IL1RAPL2: variants seen among roughly 807,000 people sequenced by gnomAD.
The protein encoded by IL1RAPL2 is interleukin 1 receptor accessory protein like 2.
Under a neutral mutation model 44.1 loss-of-function variants are expected in IL1RAPL2, and 3 were observed. The observed-to-expected ratio is 0.07, with a 90% confidence interval of 0.03 to 0.18. IL1RAPL2 has a LOEUF of 0.18. Among genes scored for constraint, IL1RAPL2 ranks in the 10% least tolerant of loss-of-function variants. The probability of loss-of-function intolerance (pLI) is 1.00; values close to 1 mark genes in which losing one functional copy is unlikely to be tolerated. For missense variants in IL1RAPL2, 391 were observed against 496.4 expected (o/e 0.79, Z 2.02); for synonymous variants, 181 against 178.8 (o/e 1.01, Z -0.10).
At chrX:105,240,911 G>T (rs1178272362) in intron 4 of IL1RAPL2, among the ~76,000 whole-genome samples, 1 of 111,288 alleles carries the variant, frequency 9.0e-6, no homozygotes, top group Non-Finnish European at 1.9e-5. Context: ...GATCTTTTGA[G>T]GTCAGGAGTT....
intron 2 of IL1RAPL2, among the ~76,000 whole-genome samples, chrX:104,932,308 A>G (rs1261819231): frequency 9.0e-6 from 1 of 110,848 alleles, no homozygotes; most frequent in South Asian, 3.8e-4. Flanking sequence ...CACTATGAGT[A>G]TATATTAAAT....
intron 6 of IL1RAPL2, among the ~76,000 whole-genome samples, chrX:105,529,981 C>T (rs2036621432): frequency 8.9e-6 from 1 of 112,103 alleles, no homozygotes; most frequent in South Asian, 3.6e-4. Flanking sequence ...CATGTTTTAG[C>T]TATGGTAAAT....
rs1400635596 is a variant in IL1RAPL2 at position 104,705,182 on chromosome X, G to C, written c.82+46187G>C. ...ACTGGCACAACAACCATTTGATACA[G>C]GTACCATTTGTTATCATTTTACACA... is the stretch of plus-strand genomic sequence containing the variant. On this transcript the variant is annotated intron_variant, in intron 2 of 10. Coordinates refer to ENST00000372582, the MANE Select transcript of IL1RAPL2 (RefSeq NM_017416.2). Among the ~76,000 whole-genome samples, 8 of 111,572 alleles carry C rather than the reference G, an allele frequency of 7.2e-5. No homozygotes were observed. In the Admixed American group the frequency reaches 7.6e-4, roughly 11 times the overall value.
intron 4 of IL1RAPL2, among the ~76,000 whole-genome samples, chrX:105,238,609 A>G (rs2034142393): frequency 9.0e-6 from 1 of 111,133 alleles, no homozygotes; most frequent in Admixed American, 9.6e-5. Context: ...GTGTTTCCTT[A>G]AAGTCTTAGT....
intron 2 of IL1RAPL2, among the ~76,000 whole-genome samples, chrX:105,168,414 G>GA (rs1202227200): frequency 1.1e-5 from 1 of 89,358 alleles, no homozygotes; most frequent in African/African-American, 4.7e-5. Flanking sequence ...AACCATAGGA[G>GA]GTGTGTGTGT....
At chrX:105,382,139 A>G (rs2035436666) in intron 5 of IL1RAPL2, among the ~76,000 whole-genome samples, 2 of 109,362 alleles carry the variant, frequency 1.8e-5, no homozygotes, top group Admixed American at 1.9e-4. Flanking sequence ...TAAACTAAAG[A>G]GCTTCTGCAC....
chrX:105,360,857 T>C (rs935673609), intron 5 of IL1RAPL2, among the ~76,000 whole-genome samples: 1 of 111,536 alleles, frequency 9.0e-6, no homozygotes, highest in Non-Finnish European at 1.9e-5. Flanking sequence ...AGAGCAGATT[T>C]GGAATGTGAT....
chrX:105,354,136 G>A (rs145243533), intron 5 of IL1RAPL2, among the ~76,000 whole-genome samples: 1,942 of 110,892 alleles, frequency 0.018, 44 homozygotes, highest in African/African-American at 0.061. Flanking sequence ...ATTTGACCCA[G>A]CCATCCCATT....
chrX:105,032,571 T>C (rs770130995), intron 2 of IL1RAPL2, among the ~76,000 whole-genome samples: 28 of 112,316 alleles, frequency 2.5e-4, no homozygotes, highest in Non-Finnish European at 4.5e-4. Context: ...TCTAGTTTAA[T>C]TGCACTGTGG....
chrX:104,972,638 C>A (rs993016981), intron 2 of IL1RAPL2, among the ~76,000 whole-genome samples: 1 of 111,539 alleles, frequency 9.0e-6, no homozygotes, highest in Non-Finnish European at 1.9e-5. Context: ...GAGTTTTGTT[C>A]CTACCCACAC....
At position 104,598,256 on chromosome X, in the gene IL1RAPL2, T is replaced by C. The variant is rs1389932553; in HGVS notation, c.-20+31205T>C. On this transcript the variant is annotated intron_variant, in intron 1 of 10. Coordinates refer to ENST00000372582, the MANE Select transcript of IL1RAPL2 (RefSeq NM_017416.2). ...CATTTTTTGTTGTTCTTCACTTGGC[T>C]TTCTATCATGACTGCTGGAAGGCAG... Among the ~76,000 whole-genome samples, 3 of 112,044 alleles carry C rather than the reference T, an allele frequency of 2.7e-5. No homozygotes were observed. In the East Asian group the frequency reaches 8.4e-4, roughly 31 times the overall value.
chrX:105,648,885 A>C (rs936678437), intron 6 of IL1RAPL2, among the ~76,000 whole-genome samples: 6 of 111,420 alleles, frequency 5.4e-5, no homozygotes, highest in African/African-American at 2.0e-4. Flanking sequence ...CTCAATCCCA[A>C]GTGTCAGTGT....
At chrX:105,549,027 C>T (rs1236543619) in intron 6 of IL1RAPL2, among the ~76,000 whole-genome samples, 2 of 111,398 alleles carry the variant, frequency 1.8e-5, no homozygotes, top group African/African-American at 6.5e-5. Context: ...TTTTTCATGC[C>T]GTTATGTAAA....
At chrX:104,756,883 C>T (rs1276683075) in intron 2 of IL1RAPL2, among the ~76,000 whole-genome samples, 6 of 109,414 alleles carry the variant, frequency 5.5e-5, no homozygotes, top group Non-Finnish European at 9.5e-5. Flanking sequence ...GGCCCTGAGA[C>T]GAGAGCATGC....
At chrX:104,685,940 T>TA (rs1930980197) in intron 2 of IL1RAPL2, among the ~76,000 whole-genome samples, 1 of 106,991 alleles carries the variant, frequency 9.3e-6, no homozygotes, top group Admixed American at 1.0e-4. Flanking sequence ...AATAAATAAA[T>TA]AATAAATAAA....
intron 2 of IL1RAPL2, among the ~76,000 whole-genome samples, chrX:104,879,026 A>G (rs779473511): frequency 1.8e-5 from 2 of 111,359 alleles, no homozygotes; most frequent in South Asian, 3.7e-4. Flanking sequence ...ACAGTTTTCA[A>G]TGACTCTTTT....
At chrX:104,847,899 G>A (rs1460907097) in intron 2 of IL1RAPL2, among the ~76,000 whole-genome samples, 2 of 110,821 alleles carry the variant, frequency 1.8e-5, no homozygotes, top group Non-Finnish European at 3.8e-5. Context: ...TCCTTGAAGA[G>A]GTCCTTCACA....
At chrX:104,797,186 C>CCG (rs1932854480) in intron 2 of IL1RAPL2, among the ~76,000 whole-genome samples, 1 of 16,436 alleles carries the variant, frequency 6.1e-5, no homozygotes, top group African/African-American at 5.3e-4. Context: ...ATCTCTTCAG[C>CCG]CCCCCCCCCC....
At chrX:104,894,568 T>G (rs1923577481) in intron 2 of IL1RAPL2, among the ~76,000 whole-genome samples, 1 of 112,307 alleles carries the variant, frequency 8.9e-6, no homozygotes, top group African/African-American at 3.2e-5. Context: ...TTTCTTCCAG[T>G]TGATCGAATC....
Sources: allele counts gnomAD v4.1 joint callset (sites outside exome capture counted in the v4.1 genomes callset), GRCh38; gene constraint gnomAD v4.1.1; transcripts MANE v1.5; gene names NCBI Gene and HGNC (gene_info 2026-07-23, HGNC 2026-07-21).